USO1: variants seen among roughly 807,000 people sequenced by gnomAD.
The protein encoded by USO1 is USO1 vesicle transport factor, also known as general vesicular transport factor p115.
Under a neutral mutation model 124.5 loss-of-function variants are expected in USO1, and 57 were observed. The ratio of observed to expected loss-of-function variants is 0.46; its 90% CI spans 0.37 to 0.57. USO1 has a LOEUF of 0.57. Ranked by LOEUF, USO1 falls within the 20% of genes least tolerant of loss-of-function variation. USO1 has a pLI of 0.00. For missense variants in USO1, 900 were observed against 1,040.6 expected (o/e 0.86, Z 1.86); for synonymous variants, 369 against 362.8 (o/e 1.02, Z -0.19).
intron 1 of USO1, among the ~76,000 whole-genome samples, chr4:75,746,988 C>G (rs949402867): frequency 6.6e-6 from 1 of 151,994 alleles, no homozygotes; most frequent in African/African-American, 2.4e-5. Context: ...ATAAAATTTG[C>G]TAACATTTAT....
chr4:75,745,329 A>G (rs762570282), intron 1 of USO1: 8 of 519,826 alleles, frequency 1.5e-5, no homozygotes, highest in Non-Finnish European at 2.3e-5. Flanking sequence ...AGTTTAGTCA[A>G]AGGCTTGTCA....
At chr4:75,775,273 T>G (rs918443081) in intron 8 of USO1, among the ~76,000 whole-genome samples, 2 of 152,172 alleles carry the variant, frequency 1.3e-5, no homozygotes, top group Admixed American at 6.5e-5. Context: ...GCTTGATGGC[T>G]CATACCTGTA....
intron 1 of USO1, among the ~76,000 whole-genome samples, chr4:75,729,683 A>G (rs1283383387): frequency 6.6e-6 from 1 of 152,100 alleles, no homozygotes; most frequent in Non-Finnish European, 1.5e-5. Context: ...TGAAAATTCC[A>G]AGCAAGTGTT....
intron 3 of USO1, among the ~76,000 whole-genome samples, chr4:75,754,856 C>T (rs1471899046): frequency 1.3e-5 from 2 of 152,178 alleles, no homozygotes; most frequent in African/African-American, 2.4e-5. Flanking sequence ...TACTTCAAAA[C>T]TTAGTGGTTC....
intron 13 of USO1, among the ~76,000 whole-genome samples, chr4:75,798,679 G>A (rs1722758543): frequency 6.6e-6 from 1 of 151,974 alleles, no homozygotes; most frequent in Non-Finnish European, 1.5e-5. Context: ...TAGTCTGGGT[G>A]GTAGAAATTT....
intron 14 of USO1, 33 bp from the exon 15 acceptor site, chr4:75,800,318 T>C (rs1235142731): frequency 6.5e-7 from 1 of 1,544,450 alleles, no homozygotes. Context: ...ACTAGATATT[T>C]TCAATCCTTA....
At chr4:75,747,602 C>CT (rs59636038) in intron 1 of USO1, among the ~76,000 whole-genome samples, 2,292 of 83,652 alleles carry the variant, frequency 0.027, 22 homozygotes, top group East Asian at 0.03. Flanking sequence ...TCACCTTTGA[C>CT]TTTTTTTTTT....
intron 4 of USO1, among the ~76,000 whole-genome samples, chr4:75,762,746 G>A (rs564939182): frequency 6.6e-6 from 1 of 152,088 alleles, no homozygotes; most frequent in Admixed American, 6.5e-5. Flanking sequence ...GGCTAACATG[G>A]TGAAACCCCA....
intron 9 of USO1, among the ~76,000 whole-genome samples, chr4:75,786,557 C>T (rs986296305): frequency 6.6e-6 from 1 of 152,146 alleles, no homozygotes; most frequent in African/African-American, 2.4e-5. Context: ...TTGGCATTAG[C>T]AATCAATGCA....
At chr4:75,732,393 T>C (rs1446086224) in intron 1 of USO1, among the ~76,000 whole-genome samples, 4 of 152,236 alleles carry the variant, frequency 2.6e-5, no homozygotes. Context: ...CTGCATTTTC[T>C]TTATCCAGTC....
intron 8 of USO1, among the ~76,000 whole-genome samples, chr4:75,779,977 G>A (rs1263506901): frequency 6.6e-6 from 1 of 152,142 alleles, no homozygotes; most frequent in Non-Finnish European, 1.5e-5. Flanking sequence ...TTAAGTTGAA[G>A]CCAGTGCTCA....
chr4:75,780,442 AT>A (rs935944385), intron 8 of USO1, among the ~76,000 whole-genome samples: 139 of 141,364 alleles, frequency 9.8e-4, no homozygotes, highest in Middle Eastern at 3.5e-3. Context: ...AATTTTTTGT[AT>A]TTTTTTTTTT....
At chr4:75,747,276 A>T (rs1295373669) in intron 1 of USO1, among the ~76,000 whole-genome samples, 2 of 152,146 alleles carry the variant, frequency 1.3e-5, no homozygotes, top group African/African-American at 2.4e-5. Flanking sequence ...TGTTCTTTTT[A>T]AAATTATTAT....
chr4:75,776,840 T>A (rs1722085019), intron 8 of USO1, among the ~76,000 whole-genome samples: 1 of 152,162 alleles, frequency 6.6e-6, no homozygotes, highest in African/African-American at 2.4e-5. Context: ...TAGGTCTGGT[T>A]AAATCAGGAA....
intron 1 of USO1, among the ~76,000 whole-genome samples, chr4:75,729,272 A>G (rs978941128): frequency 3.3e-5 from 5 of 151,648 alleles, no homozygotes; most frequent in African/African-American, 9.7e-5. Context: ...ACCACCAGGG[A>G]CTTCATGCTT....
In USO1 at chr4:75,804,282, G is replaced by A. The variant is rs770223336; in HGVS notation, c.2125+10G>A. On this transcript the variant is annotated intron_variant, in intron 18 of 23. Transcript: ENST00000514213. ...CTTAAAATACAGCTAGGTAAGCATAGCTAAGCCATCACTATGATAGCACTC... is the reference window on the plus strand; with the variant it reads ...CTTAAAATACAGCTAGGTAAGCATAACTAAGCCATCACTATGATAGCACTC... 2.0e-5 allele frequency: 32 copies of A among 1,607,052 alleles called. No homozygotes were observed. Among genetic ancestry groups the A allele is most frequent in the Non-Finnish European group, 2.5e-5 (30 of 1,176,852 alleles).
intron 1 of USO1, among the ~76,000 whole-genome samples, chr4:75,748,496 A>G (rs1245532686): frequency 2.0e-5 from 3 of 152,174 alleles, no homozygotes; most frequent in Non-Finnish European, 4.4e-5. Flanking sequence ...GCCATCCTCC[A>G]GTATTTCTAA....
At chr4:75,729,900 T>C in intron 1 of USO1, 1 of 388,484 alleles carries the variant, frequency 2.6e-6, no homozygotes, top group South Asian at 1.9e-5. Flanking sequence ...TAAAAATTGT[T>C]ATTAAAGAGT....
chr4:75,803,013 G>A (rs1275116354), intron 17 of USO1, among the ~76,000 whole-genome samples: 1 of 148,154 alleles, frequency 6.7e-6, no homozygotes, highest in Non-Finnish European at 1.5e-5. Context: ...GAACAACCTG[G>A]GAGGCGGAGG....
Sources: allele counts gnomAD v4.1 joint callset (sites outside exome capture counted in the v4.1 genomes callset), GRCh38; gene constraint gnomAD v4.1.1; transcripts MANE v1.5; gene names NCBI Gene and HGNC (gene_info 2026-07-23, HGNC 2026-07-21).